The following RYR1 variants were observed in gnomAD, a reference collection of about 807,000 sequenced individuals.
The protein encoded by RYR1 is central core disease of muscle.
Under a neutral mutation model 583.5 loss-of-function variants are expected in RYR1, and 342 were observed. The ratio of observed to expected loss-of-function variants is 0.59; its 90% CI spans 0.54 to 0.64. The LOEUF is 0.64. RYR1 is among the 30% of genes least tolerant of loss of function. The pLI is 0.00. For synonymous variants in RYR1, 2,791 were observed against 2,822.5 expected, an observed-to-expected ratio of 0.99 and a Z score of 0.35; for missense variants, 6,032 against 6,917.2, an observed-to-expected ratio of 0.87 and a Z score of 4.54.
At chr19:38,519,976 C>G (rs899950304) in intron 67 of RYR1, among the ~76,000 whole-genome samples, 1 of 151,668 alleles carries the variant, frequency 6.6e-6, no homozygotes, top group Non-Finnish European at 1.5e-5. Context: ...TGCAGCTGGC[C>G]AGTGTGATTT....
At chr19:38,537,780 T>G in intron 83 of RYR1, 100 bp from the exon 84 acceptor site, 1 of 1,079,814 alleles carries the variant, frequency 9.3e-7, no homozygotes, top group Non-Finnish European at 1.4e-6. Flanking sequence ...CCCCCATGCT[T>G]TGTGCATGCG....
chr19:38,585,999 G>A lies in RYR1; in HGVS notation c.14865G>A (p.Met4955Ile). The change falls in exon 103 of 106, where the codon ATG becomes ATA. Residue 4955 changes from methionine to isoleucine, a missense_variant. Physicochemically the swap from Met to Ile is conservative, Grantham distance 10 (BLOSUM62 1). Coordinates refer to ENST00000359596, the MANE Select transcript of RYR1 (RefSeq NM_000540.3). ...AACAAGAGCAAGTGAAGGAGGATAT[G>A]GAGGTAGGTCATGTCTGGGGGTGAC... is the stretch of plus-strand genomic sequence containing the variant. Reference protein sequence around the residue: ...RDQQEQVKEDMETKCFICGIG... With the variant: ...RDQQEQVKEDIETKCFICGIG... The A allele has an allele frequency of 6.2e-7, 1 of 1,614,108 alleles. No homozygotes were observed. The highest frequency in any genetic ancestry group is 8.5e-7 in the Non-Finnish European group (1 of 1,180,012).
At position 38,458,233 on chromosome 19, in the gene RYR1, G is replaced by A. The variant is rs1448234735; in HGVS notation, c.2108G>A (p.Gly703Asp). ...CCTGGGGCCGGCGAGGGCTGGGGCGGCAACGGGGTCGGCGATGACCTCTAT... is the reference window on the plus strand; with the variant it reads ...CCTGGGGCCGGCGAGGGCTGGGGCGACAACGGGGTCGGCGATGACCTCTAT... Reference protein sequence around the residue: ...PYPGAGEGWGGNGVGDDLYSY... With the variant: ...PYPGAGEGWGDNGVGDDLYSY... Residue 703 changes from glycine (G) to aspartate (D), a missense_variant, in exon 18 of 106, where the codon GGC (glycine) becomes GAC (aspartate). This residue lies in a region of RYR1 where 2,627 missense variants were observed against 2,961.3 expected (regional missense o/e 0.89). Transcript: ENST00000359596. 3.1e-6 allele frequency: 5 copies of A among 1,613,844 alleles called. No individual in the cohort carries two copies. Among genetic ancestry groups the A allele is most frequent in the African/African-American group, 1.3e-5 (1 of 74,906 alleles).
intron 39 of RYR1, among the ~76,000 whole-genome samples, chr19:38,495,026 A>G (rs1214635237): frequency 6.6e-6 from 1 of 151,604 alleles, no homozygotes; most frequent in African/African-American, 2.4e-5. Flanking sequence ...CTAATTTTTT[A>G]TATTTAGTAG....
At chr19:38,545,030 A>G (rs1972362225) in intron 87 of RYR1, among the ~76,000 whole-genome samples, 1 of 152,098 alleles carries the variant, frequency 6.6e-6, no homozygotes, top group African/African-American at 2.4e-5. Flanking sequence ...CTACTTCTTA[A>G]CAGCCCTAGA....
intron 53 of RYR1, 65 bp downstream of exon 53, chr19:38,505,463 G>A: frequency 2.6e-6 from 3 of 1,147,664 alleles, no homozygotes; most frequent in Admixed American, 2.0e-5. Context: ...AGGATTCGGG[G>A]AGGAGTGAGG....
At position 38,515,050 on chromosome 19, in the gene RYR1, A is replaced by G. The variant is rs1421010900; in HGVS notation, c.9497A>G (p.Tyr3166Cys). 10 of 1,612,448 alleles carry G rather than the reference A, an allele frequency of 6.2e-6. No individual in the cohort carries two copies. The highest frequency in any genetic ancestry group is 1.3e-5 in the African/African-American group (1 of 74,650). ...VILDDVQVSC[Y>C]RTLCSIYSLG... is the part of the protein sequence containing the mutation. ...GTGGACGACGTCCAGGTCTCTTGCTACCGAACGCTGTGCAGTATCTACTCC... is the reference window on the plus strand; with the variant it reads ...GTGGACGACGTCCAGGTCTCTTGCTGCCGAACGCTGTGCAGTATCTACTCC... The change falls in exon 64 of 106, where the codon TAC becomes TGC. Residue 3166 changes from tyrosine to cysteine, a missense_variant. Physicochemically the swap from Tyr to Cys is radical, Grantham distance 194. Transcript: ENST00000359596.
chr19:38,550,301 T>C (rs1177581180), intron 89 of RYR1, among the ~76,000 whole-genome samples: 1 of 152,172 alleles, frequency 6.6e-6, no homozygotes, highest in Non-Finnish European at 1.5e-5. Flanking sequence ...AGTCTGGAAC[T>C]GTGCCTGGGT....
intron 21 of RYR1, 49 bp downstream of exon 21, chr19:38,463,576 CAGGAGGGAGAGCGGCTCACCGGCGGAG>C (rs753184537): frequency 1.3e-5 from 21 of 1,576,306 alleles, no homozygotes; most frequent in Non-Finnish European, 1.7e-5. Flanking sequence ...CTTGCGGTGC[CAGGAGGGAGAGCGGCTCACCGGCGGAG>C]AGGAGGGAGG....
Position 38,543,122 on chromosome 19 carries a change from G to A in RYR1, c.11690-225G>A, listed in dbSNP as rs1302453606. Among the ~76,000 whole-genome samples the A allele has an allele frequency of 6.6e-6, 1 of 152,180 alleles. No individual in the cohort carries two copies. The highest frequency in any genetic ancestry group is 2.4e-5 in the African/African-American group (1 of 41,444). On this transcript the variant is annotated intron_variant, in intron 84 of 105. Coordinates refer to ENST00000359596, the MANE Select transcript of RYR1 (RefSeq NM_000540.3). This position sits in a 1 kb window ranked among gnomAD's most constrained non-coding sequence, Gnocchi z 4.4. The stretch of plus-strand genomic sequence containing the variant: ...CTCCCAAAGTGCTGGAATTACAGGC[G>A]TGAGCCACCCGGCCAGTATTTTTAG...
In RYR1 at chr19:38,440,879, G is replaced by A. The variant is rs770935346; in HGVS notation, c.165+15G>A. ...GCAACGCGCAGGTCTGTGCAGGAGG[G>A]AGAGGGGCCTGGGGACAGGGGCGTC... On this transcript the variant is annotated intron_variant, in intron 2 of 105. Transcript: ENST00000359596. The A allele has an allele frequency of 6.2e-7, 1 of 1,608,960 alleles. No homozygotes were observed. The highest frequency in any genetic ancestry group is 1.1e-5 in the South Asian group (1 of 90,678).
Position 38,444,087 on chromosome 19 carries a change from G to T in RYR1, c.425-62G>T. ...GGAGGCCTGGTGGAGGGAGAGCCCT[G>T]GGGAAGAGCATTCTGGGAAGCCATC... On this transcript the variant is annotated intron_variant, in intron 5 of 105. Transcript: ENST00000359596. The surrounding 1 kb of genome is among the most constrained non-coding windows in gnomAD (Gnocchi z 5.1). 7.1e-7 allele frequency: 1 copy of T among 1,417,810 alleles called. No individual in the cohort carries two copies. Among genetic ancestry groups the T allele is most frequent in the South Asian group, 1.1e-5 (1 of 87,120 alleles). The allele number at this position is 1,417,810 out of a possible 1,614,324, so 87.8% of individuals were successfully genotyped here.
At chr19:38,527,856 T>A (rs1244592448) in intron 73 of RYR1, 72 bp downstream of exon 73, 9 of 1,542,894 alleles carry the variant, frequency 5.8e-6, no homozygotes, top group Non-Finnish European at 8.0e-6. Context: ...GCTTCAAGGA[T>A]GTGGGTGGGG....
At position 38,565,677 on chromosome 19, in the gene RYR1, C is replaced by T. The variant is rs1258038905; in HGVS notation, c.13343C>T (p.Pro4448Leu). ...VAVTDGGPFRPEGAGGLGDMG... is the reference protein window; with the variant it reads ...VAVTDGGPFRLEGAGGLGDMG... ...GTGACCGATGGGGGCCCCTTCCGGC[C>T]CGAAGGGGCTGGCGGTCTCGGGGAC... Residue 4448 changes from proline to leucine, a missense_variant, in exon 91 of 106, where the codon CCC becomes CTC. By Grantham distance (98) the Pro-to-Leu change is moderately conservative (BLOSUM62 -3). Transcript: ENST00000359596. This position sits in a 1 kb window ranked among gnomAD's most constrained non-coding sequence, Gnocchi z 4.7. 3 of 1,396,756 alleles carry T rather than the reference C, an allele frequency of 2.1e-6. No individual in the cohort carries two copies. Among genetic ancestry groups the T allele is most frequent in the East Asian group, 3.0e-5 (1 of 33,536 alleles). The allele number at this position is 1,396,756 out of a possible 1,614,324, so 86.5% of individuals were successfully genotyped here. A position where few individuals can be genotyped will look rare whatever the true frequency, so the allele number is the denominator to read the frequency against.
chr19:38,537,462 C>T lies in RYR1; in HGVS notation c.11609-418C>T, dbSNP rs150714123. Among the ~76,000 whole-genome samples the T allele has an allele frequency of 8.6e-4, 131 of 152,286 alleles. 1 individual carries two copies. Among genetic ancestry groups the T allele is most frequent in the African/African-American group, 3.1e-3 (127 of 41,556 alleles). ...TCCCTCCCAGCCCAATCTTCCCCTG[C>T]CCAGAGCCTTTGTGTGAAGGTGACC... On this transcript the variant is annotated intron_variant, in intron 83 of 105. Transcript: ENST00000359596.
In RYR1 at chr19:38,516,093, G is replaced by A. The variant is rs1425584920; in HGVS notation, c.9561G>A (p.Arg3187=). 1 of 1,548,636 alleles carries A rather than the reference G, an allele frequency of 6.5e-7. No individual in the cohort carries two copies. The highest frequency in any genetic ancestry group is 8.7e-7 in the Non-Finnish European group (1 of 1,146,432). The part of the protein sequence containing the change: ...TTKNTYVEKL[R]PALGECLARL... ...ACACAGCCCCGTCTTCCAGGCTTCG[G>A]CCAGCCCTCGGGGAGTGCCTGGCCC... is the stretch of plus-strand genomic sequence containing the variant. The change falls in exon 65 of 106, where the codon CGG becomes CGA. Residue 3187 remains arginine (R), a synonymous_variant. Transcript: ENST00000359596.
At chr19:38,497,285 G>A (rs1485431347) in intron 42 of RYR1, among the ~76,000 whole-genome samples, 2 of 151,836 alleles carry the variant, frequency 1.3e-5, no homozygotes, top group Non-Finnish European at 2.9e-5. Flanking sequence ...GGGCGGATCC[G>A]CACGCTACGC....
At chr19:38,448,585 C>T in intron 10 of RYR1, 64 bp from the exon 11 acceptor site, 4 of 1,614,116 alleles carry the variant, frequency 2.5e-6, no homozygotes, top group Non-Finnish European at 2.5e-6. Flanking sequence ...TGCAGTCCCT[C>T]AGGGGGGCTC....
In RYR1 at chr19:38,584,939, T is replaced by G. The variant is rs768671679; in HGVS notation, c.14647-4T>G. 6.2e-7 allele frequency: 1 copy of G among 1,613,712 alleles called. No individual in the cohort carries two copies. The highest frequency in any genetic ancestry group is 8.5e-7 in the Non-Finnish European group (1 of 1,179,826). On this transcript the variant is annotated splice_polypyrimidine_tract_variant and splice_region_variant and intron_variant, in intron 101 of 105. Coordinates refer to ENST00000359596, the MANE Select transcript of RYR1 (RefSeq NM_000540.3). ...TGAGTGACCAGTGTGCTCCCCTCCCTCAGTGTTACCTGTTTCACATGTACG... is the reference window on the plus strand; with the variant it reads ...TGAGTGACCAGTGTGCTCCCCTCCCGCAGTGTTACCTGTTTCACATGTACG...
Sources: gnomAD v4.1 joint callset for allele counts (sites outside exome capture counted in the v4.1 genomes callset) on GRCh38, gnomAD v4.1.1 for gene constraint, gnomAD v4.1.1 regional missense constraint, Gnocchi (gnomAD v3.1) non-coding constraint, MANE v1.5 for transcripts, NCBI Gene and HGNC (gene_info 2026-07-23, HGNC 2026-07-21) for gene names.